The following TBC1D19 variants were observed in gnomAD, a reference collection of about 807,000 sequenced individuals.
The protein encoded by TBC1D19 is TBC1 domain family, member 19.
A neutral mutation model predicts 89.0 loss-of-function variants in TBC1D19; 60 were observed. That is an observed-to-expected ratio of 0.67 (90% CI 0.55 to 0.84). The LOEUF (loss-of-function observed/expected upper bound fraction) is 0.84, where lower values mean the gene tolerates loss of function less well. Among genes scored for constraint, TBC1D19 ranks in the 40% least tolerant of loss-of-function variants. TBC1D19 has a pLI of 0.00. For synonymous variants in TBC1D19, 189 were observed against 199.7 expected (o/e 0.95, Z 0.45); for missense variants, 500 against 610.8 (o/e 0.82, Z 1.91).
intron 13 of TBC1D19, among the ~76,000 whole-genome samples, chr4:26,689,580 T>C (rs1239299230): frequency 2.0e-5 from 3 of 152,194 alleles, no homozygotes; most frequent in Non-Finnish European, 1.5e-5. Context: ...TTCATATTTC[T>C]GTGTCACATT....
chr4:26,678,423 A>T (rs966881064), intron 11 of TBC1D19, among the ~76,000 whole-genome samples: 1 of 152,208 alleles, frequency 6.6e-6, no homozygotes, highest in Non-Finnish European at 1.5e-5. Flanking sequence ...GAGGGCTCCA[A>T]ATTTAAAGGG....
the TBC1D19 span, among the ~76,000 whole-genome samples, chr4:26,852,382 C>G: frequency 4.6e-5 from 7 of 152,132 alleles, no homozygotes; most frequent in South Asian, 1.5e-3. Flanking sequence ...GACACAACTC[C>G]TATCTCTACA....
At chr4:26,690,732 A>G (rs1195074368) in intron 13 of TBC1D19, among the ~76,000 whole-genome samples, 1 of 152,224 alleles carries the variant, frequency 6.6e-6, no homozygotes, top group Non-Finnish European at 1.5e-5. Flanking sequence ...TCAAAATATT[A>G]CTGCTCATTC....
intron 13 of TBC1D19, among the ~76,000 whole-genome samples, chr4:26,710,493 C>T (rs537046653): frequency 1.4e-4 from 22 of 152,190 alleles, no homozygotes; most frequent in South Asian, 1.0e-3. Flanking sequence ...AATAAACATA[C>T]GTGTGCATGT....
chr4:26,613,510 G>A (rs1741502580), intron 2 of TBC1D19, among the ~76,000 whole-genome samples: 3 of 152,040 alleles, frequency 2.0e-5, no homozygotes. Context: ...GGATACTCTT[G>A]TAAGGCAAAA....
intron 13 of TBC1D19, among the ~76,000 whole-genome samples, chr4:26,698,786 G>A (rs933797894): frequency 1.3e-5 from 2 of 152,146 alleles, no homozygotes; most frequent in African/African-American, 4.8e-5. Context: ...TTAATAAATG[G>A]TGCTGGGAAA....
chr4:26,661,203 C>T (rs556892543), intron 8 of TBC1D19, among the ~76,000 whole-genome samples: 87 of 152,232 alleles, frequency 5.7e-4, no homozygotes, highest in South Asian at 3.7e-3. Flanking sequence ...AGACTGCACT[C>T]GGAGGCCTCA....
intron 13 of TBC1D19, among the ~76,000 whole-genome samples, chr4:26,693,453 G>T (rs1476659931): frequency 1.3e-5 from 2 of 152,092 alleles, no homozygotes; most frequent in Non-Finnish European, 2.9e-5. Flanking sequence ...TAGCATTTTG[G>T]GAAGCTGAGG....
At chr4:26,592,056 T>C (rs1310491689) in intron 1 of TBC1D19, among the ~76,000 whole-genome samples, 1 of 152,180 alleles carries the variant, frequency 6.6e-6, no homozygotes, top group African/African-American at 2.4e-5. Context: ...TTTAGACCAA[T>C]ATCCCTGATG....
the TBC1D19 span, among the ~76,000 whole-genome samples, chr4:26,767,849 T>C: frequency 6.6e-6 from 1 of 152,160 alleles, no homozygotes; most frequent in Non-Finnish European, 1.5e-5. Context: ...TCTCAAGATA[T>C]GGGACATCAA....
At chr4:26,638,173 C>T (rs1405560181) in intron 5 of TBC1D19, among the ~76,000 whole-genome samples, 2 of 148,742 alleles carry the variant, frequency 1.3e-5, no homozygotes, top group African/African-American at 5.2e-5. Context: ...TAGCTGCTCA[C>T]AAGTAGGAGA....
intron 18 of TBC1D19, among the ~76,000 whole-genome samples, chr4:26,743,520 G>C (rs1404337957): frequency 6.6e-6 from 1 of 151,998 alleles, no homozygotes; most frequent in African/African-American, 2.4e-5. Flanking sequence ...AAGAGAATTA[G>C]TACCTTGCAG....
chr4:26,842,583 C>CCTTCCTTCCTTCCTTT, the TBC1D19 span, among the ~76,000 whole-genome samples: 1 of 70,608 alleles, frequency 1.4e-5, no homozygotes. Flanking sequence ...TTCCTCCCTC[C>CCTTCCTTCCTTCCTTT]CTTTCTTTCT....
chr4:26,763,470 G>A, the TBC1D19 span, among the ~76,000 whole-genome samples: 3 of 152,158 alleles, frequency 2.0e-5, no homozygotes, highest in South Asian at 2.1e-4. Context: ...AAACTCAACC[G>A]TCAACTAGGA....
At chr4:26,821,824 C>T in the TBC1D19 span, among the ~76,000 whole-genome samples, 1 of 152,244 alleles carries the variant, frequency 6.6e-6, no homozygotes, top group Non-Finnish European at 1.5e-5. Context: ...TTATGTGTGG[C>T]AGACCTCTGG....
chr4:26,762,973 T>G, the TBC1D19 span, among the ~76,000 whole-genome samples: 1 of 152,190 alleles, frequency 6.6e-6, no homozygotes, highest in East Asian at 1.9e-4. Context: ...TAATGTTGTA[T>G]TGTTCTGAGC....
At chr4:26,596,327 G>C (rs899901982) in intron 1 of TBC1D19, among the ~76,000 whole-genome samples, 12 of 152,088 alleles carry the variant, frequency 7.9e-5, no homozygotes, top group African/African-American at 2.7e-4. Context: ...GTTCTGATAG[G>C]TTGCATTTTT....
At chr4:26,719,740 A>T (rs1309109795) in intron 14 of TBC1D19, among the ~76,000 whole-genome samples, 1 of 152,152 alleles carries the variant, frequency 6.6e-6, no homozygotes, top group Non-Finnish European at 1.5e-5. Flanking sequence ...ACTTGCTTTA[A>T]TGAATAGATT....
At chr4:26,792,699 C>T in the TBC1D19 span, among the ~76,000 whole-genome samples, 2 of 152,202 alleles carry the variant, frequency 1.3e-5, no homozygotes, top group Non-Finnish European at 2.9e-5. Context: ...TATAAGTACT[C>T]TATTCTCTCC....
Sources: allele counts gnomAD v4.1 joint callset (sites outside exome capture counted in the v4.1 genomes callset), GRCh38; gene constraint gnomAD v4.1.1; transcripts MANE v1.5; gene names NCBI Gene and HGNC (gene_info 2026-07-23, HGNC 2026-07-21).